Variants in ZNF444 observed in about 807,000 individuals in gnomAD.
ZNF444 encodes the protein endothelial zinc finger protein 2.
ZNF444 carries 8 observed loss-of-function variants against 14.4 expected under a neutral mutation model. The ratio of observed to expected loss-of-function variants is 0.56; its 90% CI spans 0.33 to 1.00. The LOEUF is 1.00. Among genes scored for constraint, ZNF444 ranks in the 50% least tolerant of loss-of-function variants. The probability of loss-of-function intolerance (pLI) is 0.03; values close to 1 mark genes in which losing one functional copy is unlikely to be tolerated. For synonymous variants in ZNF444, 258 were observed against 235.9 expected (o/e 1.09, Z -0.86); for missense variants, 510 against 504.8 (o/e 1.01, Z -0.10).
intron 1 of ZNF444, 27 bp from the exon 2 acceptor site, chr19:56,146,220 T>G (rs1160121513): frequency 6.5e-6 from 1 of 153,042 alleles, no homozygotes; most frequent in Non-Finnish European, 1.5e-5. Context: ...TGCAAGCTCT[T>G]TCTGTGTTTT....
rs2031282185 is a variant in ZNF444 at position 56,147,606 on chromosome 19, C to T, written c.297+398C>T. Among the ~76,000 whole-genome samples the T allele has an allele frequency of 6.6e-6, 1 of 152,186 alleles. No homozygotes were observed. Among genetic ancestry groups the T allele is most frequent in the African/African-American group, 2.4e-5 (1 of 41,452 alleles). On this transcript the variant is annotated intron_variant, in intron 3 of 4. Transcript: ENST00000337080. The surrounding 1 kb of genome is among the most constrained non-coding windows in gnomAD (Gnocchi z 5.9). Reference sequence around the variant, plus strand: ...GGTCTTGCCGGCCAGGAATTCTCCTCAGACCGTGGTGTCCTGGGTTCTTAC... The same window carrying T: ...GGTCTTGCCGGCCAGGAATTCTCCTTAGACCGTGGTGTCCTGGGTTCTTAC...
chr19:56,134,820 A>C (rs1231445102), intron 1 of ZNF444, among the ~76,000 whole-genome samples: 1 of 152,116 alleles, frequency 6.6e-6, no homozygotes, highest in Non-Finnish European at 1.5e-5. Context: ...GTTTAAAAAA[A>C]AAAAAAGTAT....
At chr19:56,158,672 C>A in intron 4 of ZNF444, 70 bp downstream of exon 4, 1 of 1,354,178 alleles carries the variant, frequency 7.4e-7, no homozygotes, top group Non-Finnish European at 1.0e-6. Flanking sequence ...GTGAACGATC[C>A]TGGCACCAGG....
chr19:56,132,757 C>A (rs929305626), exon 1 of ZNF444: 1 of 152,162 alleles, frequency 6.6e-6, no homozygotes, highest in African/African-American at 2.4e-5. Context: ...CCAAGGAATT[C>A]TTCTCTGCCT....
chr19:56,137,611 GA>G (rs1198437865), upstream of ZNF444, among the ~76,000 whole-genome samples: 1 of 152,158 alleles, frequency 6.6e-6, no homozygotes, highest in East Asian at 1.9e-4. Flanking sequence ...GAGGTGGCTG[GA>G]ATATTCCTCC....
upstream of ZNF444, chr19:56,141,250 G>GA (rs939039693): frequency 7.2e-6 from 1 of 139,552 alleles, no homozygotes; most frequent in Middle Eastern, 3.4e-3. Flanking sequence ...GGGGGAGGGG[G>GA]ACGGGGGAGT....
chr19:56,147,160 G>A lies in ZNF444; in HGVS notation c.249G>A (p.Arg83=). The A allele has an allele frequency of 6.6e-7, 1 of 1,509,722 alleles. No individual in the cohort carries two copies. Among genetic ancestry groups the A allele is most frequent in the Non-Finnish European group, 8.8e-7 (1 of 1,135,432 alleles). The allele number at this position is 1,509,722 out of a possible 1,614,324, so 93.5% of individuals were successfully genotyped here. ...ACACGCAGGCCTGGGTGTGCAGCCGGCAGCCGCAGAGCGGGGAGGAGGCGG... is the reference window on the plus strand; with the variant it reads ...ACACGCAGGCCTGGGTGTGCAGCCGACAGCCGCAGAGCGGGGAGGAGGCGG... The part of the protein sequence containing the change: ...PADTQAWVCS[R]QPQSGEEAVA... Residue 83 remains arginine (R), a synonymous_variant, in exon 3 of 5, where the codon CGG becomes CGA. Transcript: ENST00000337080. This position sits in a 1 kb window ranked among gnomAD's most constrained non-coding sequence, Gnocchi z 5.9.
At chr19:56,138,840 G>A (rs997438580), upstream of ZNF444, among the ~76,000 whole-genome samples, 3 of 119,736 alleles carry the variant, frequency 2.5e-5, no homozygotes, top group African/African-American at 6.4e-5. Context: ...TCTGTTGCCC[G>A]GACTGAAGTG....
intron 3 of ZNF444, chr19:56,154,157 T>C (rs2031754371): frequency 6.6e-6 from 1 of 152,276 alleles, no homozygotes; most frequent in East Asian, 1.9e-4. Flanking sequence ...CACCAACATA[T>C]GCTCATGATG....
intron 1 of ZNF444, among the ~76,000 whole-genome samples, chr19:56,135,646 G>A (rs1599981397): frequency 1.3e-5 from 2 of 152,076 alleles, no homozygotes; most frequent in Non-Finnish European, 2.9e-5. Flanking sequence ...AGTTGCTTAA[G>A]AGTTGGGAAA....
rs1159723644 is a variant in ZNF444, at chr19:56,159,867, G to C, written c.650G>C (p.Arg217Pro). Reference protein sequence around the residue: ...HACPECGKAFRRKEHLRRHRD... With the variant: ...HACPECGKAFPRKEHLRRHRD... ...TGCCCTGAGTGCGGGAAGGCCTTTCGGCGCAAGGAGCACCTGCGGCGCCAC... is the reference window on the plus strand; with the variant it reads ...TGCCCTGAGTGCGGGAAGGCCTTTCCGCGCAAGGAGCACCTGCGGCGCCAC... The change falls in exon 5 of 5, where the codon CGG becomes CCG. Residue 217 changes from arginine to proline, a missense_variant. Arg to Pro is a moderately radical substitution (Grantham distance 103). Coordinates refer to ENST00000337080, the MANE Select transcript of ZNF444 (RefSeq NM_018337.4). 3.3e-6 allele frequency: 5 copies of C among 1,537,560 alleles called. No individual in the cohort carries two copies. Among genetic ancestry groups the C allele is most frequent in the Non-Finnish European group, 4.4e-6 (5 of 1,147,782 alleles).
In ZNF444 at chr19:56,145,971, C is replaced by T. The variant is rs945369984; in HGVS notation, c.-196-276C>T. The T allele has an allele frequency of 1.1e-4, 16 of 152,220 alleles. No individual in the cohort carries two copies. Among genetic ancestry groups the T allele is most frequent in the African/African-American group, 3.1e-4 (13 of 41,458 alleles). 9.4% of individuals were successfully genotyped at this position (152,220 alleles called of 1,614,324 possible). A position where few individuals can be genotyped will look rare whatever the true frequency, so the allele number is the denominator to read the frequency against. ...CTTATAAGGCCACAGCCCTATTAGG[C>T]CCAGCCCTTGTGACCTCAGTTAACT... On this transcript the variant is annotated intron_variant, in intron 1 of 4. Transcript: ENST00000337080. This position sits in a 1 kb window ranked among gnomAD's most constrained non-coding sequence, Gnocchi z 4.3.
At chr19:56,136,308 T>C (rs73615795), upstream of ZNF444, among the ~76,000 whole-genome samples, 4,224 of 152,218 alleles carry the variant, frequency 0.028, 197 homozygotes, top group African/African-American at 0.097. Flanking sequence ...CAACTCTGGC[T>C]GGACACTGAT....
At chr19:56,157,091 A>G (rs1301361748) in intron 3 of ZNF444, 1 of 152,436 alleles carries the variant, frequency 6.6e-6, no homozygotes, top group Non-Finnish European at 1.5e-5. Context: ...GACACCACAC[A>G]AGGGTCATGG....
Position 56,150,514 on chromosome 19 carries a change from T to G in ZNF444, c.297+3306T>G, listed in dbSNP as rs1335988670. 7 of 376,424 alleles carry G rather than the reference T, an allele frequency of 1.9e-5. No homozygotes were observed. In the East Asian group the frequency reaches 5.0e-4, roughly 27 times the overall value. The allele number at this position is 376,424 out of a possible 1,614,324, so 23.3% of individuals were successfully genotyped here. On this transcript the variant is annotated intron_variant, in intron 3 of 4. Transcript: ENST00000337080. Reference sequence around the variant, plus strand: ...AAGGGCAGATCTCAGGTTCAGAGCCTTCTCCTATCAGTGTCCACACAGACG... The same window carrying G: ...AAGGGCAGATCTCAGGTTCAGAGCCGTCTCCTATCAGTGTCCACACAGACG...
At chr19:56,148,328 G>A (rs559622099) in intron 3 of ZNF444, among the ~76,000 whole-genome samples, 3 of 152,112 alleles carry the variant, frequency 2.0e-5, no homozygotes, top group African/African-American at 7.2e-5. Context: ...GGGTGTTTGC[G>A]GCCAGGCCTG....
chr19:56,154,133 A>T (rs2031752176), intron 3 of ZNF444, among the ~76,000 whole-genome samples: 1 of 152,218 alleles, frequency 6.6e-6, no homozygotes, highest in African/African-American at 2.4e-5. Flanking sequence ...ACAGTTTTCT[A>T]GGAAAATATA....
chr19:56,159,592 G>C, intron 4 of ZNF444, 32 bp from the exon 5 acceptor site: 1 of 1,415,330 alleles, frequency 7.1e-7, no homozygotes, highest in South Asian at 1.5e-5. Flanking sequence ...CCCTCGTGCC[G>C]ACCCAGATGC....
At chr19:56,137,724 T>C (rs2030644196), upstream of ZNF444, among the ~76,000 whole-genome samples, 1 of 152,118 alleles carries the variant, frequency 6.6e-6, no homozygotes, top group African/African-American at 2.4e-5. Context: ...CTAAAGGAGC[T>C]CTGGGTCTGA....
Sources: gnomAD v4.1 joint callset for allele counts (sites outside exome capture counted in the v4.1 genomes callset) on GRCh38, gnomAD v4.1.1 for gene constraint, Gnocchi (gnomAD v3.1) non-coding constraint, MANE v1.5 for transcripts, NCBI Gene and HGNC (gene_info 2026-07-23, HGNC 2026-07-21) for gene names.